The following PAX8 variants were observed in gnomAD, a reference collection of about 807,000 sequenced individuals.
The protein encoded by PAX8 is paired box protein Pax-8.
Under a neutral mutation model 52.4 loss-of-function variants are expected in PAX8, and 15 were observed. The ratio of observed to expected loss-of-function variants is 0.29; its 90% CI spans 0.19 to 0.44. The LOEUF (loss-of-function observed/expected upper bound fraction) is 0.44. PAX8 is among the 20% of genes least tolerant of loss of function. The pLI, the probability that PAX8 is intolerant of heterozygous loss-of-function variation, is 1.00. For missense variants in PAX8, 554 were observed against 602.5 expected (o/e 0.92, Z 0.84); for synonymous variants, 284 against 249.7 (o/e 1.14, Z -1.29).
At chr2:113,256,517 T>C (rs1255414463) in intron 2 of PAX8, among the ~76,000 whole-genome samples, 2 of 152,118 alleles carry the variant, frequency 1.3e-5, no homozygotes, top group African/African-American at 4.8e-5. Flanking sequence ...TCCTTTAAAC[T>C]TCTACTACTT....
chr2:113,256,415 G>A (rs1460955211), intron 2 of PAX8, among the ~76,000 whole-genome samples: 1 of 152,202 alleles, frequency 6.6e-6, no homozygotes, highest in Non-Finnish European at 1.5e-5. Flanking sequence ...GGCTCTGGGA[G>A]AGCTGAGAGC....
Position 113,220,159 on chromosome 2 carries a change from A to T in PAX8, c.1209T>A (p.Asn403Lys). ...AGGAGTAGGGGGTGTGGCCATAGGCATTGCCAGAGTATTCACTTCCTGTTG... is the reference window on the plus strand; with the variant it reads ...AGGAGTAGGGGGTGTGGCCATAGGCTTTGCCAGAGTATTCACTTCCTGTTG... The part of the protein sequence containing the change: ...GMVAGSEYSG[N>K]AYGHTPYSSY... Residue 403 changes from asparagine (N) to lysine (K), a missense_variant, in exon 11 of 12, where the codon AAT (asparagine) becomes AAA (lysine). Transcript: ENST00000429538. The T allele has an allele frequency of 1.9e-6, 3 of 1,613,852 alleles. No homozygotes were observed. The highest frequency in any genetic ancestry group is 1.7e-6 in the Non-Finnish European group (2 of 1,179,876).
chr2:113,218,754 C>T (rs1187920402), intron 11 of PAX8, 145 bp from the exon 12 acceptor site: 1 of 569,302 alleles, frequency 1.8e-6, no homozygotes, highest in Non-Finnish European at 3.1e-6. Flanking sequence ...AAGATTAACT[C>T]CTCTCCAGCC....
At chr2:113,248,032 A>G (rs575114660) in intron 2 of PAX8, among the ~76,000 whole-genome samples, 1 of 152,276 alleles carries the variant, frequency 6.6e-6, no homozygotes, top group East Asian at 1.9e-4. Flanking sequence ...CAAGTGAGGG[A>G]GAGAGGGGAG....
chr2:113,263,804 C>T (rs1692860832), intron 2 of PAX8, among the ~76,000 whole-genome samples: 1 of 151,902 alleles, frequency 6.6e-6, no homozygotes, highest in South Asian at 2.1e-4. Flanking sequence ...AAATGCTGAT[C>T]ATAAAAAAAT....
chr2:113,241,867 A>C (rs773010627), intron 6 of PAX8, 141 bp from the exon 7 acceptor site: 93 of 1,427,674 alleles, frequency 6.5e-5, no homozygotes, highest in Non-Finnish European at 8.6e-5. Flanking sequence ...GCCTTGGCCA[A>C]CTGAGGGACA....
At chr2:113,220,645 G>C (rs188592665) in intron 10 of PAX8, among the ~76,000 whole-genome samples, 2 of 152,220 alleles carry the variant, frequency 1.3e-5, no homozygotes, top group Admixed American at 1.3e-4. Context: ...CAGGGGTATG[G>C]GGTTAGGGGC....
intron 9 of PAX8, among the ~76,000 whole-genome samples, chr2:113,231,452 T>A (rs1689883139): frequency 6.6e-6 from 1 of 152,254 alleles, no homozygotes; most frequent in African/African-American, 2.4e-5. Context: ...TGACTGGGGA[T>A]GAGCTGAGAC....
chr2:113,231,322 C>G (rs900148375), intron 9 of PAX8, among the ~76,000 whole-genome samples: 1 of 152,200 alleles, frequency 6.6e-6, no homozygotes, highest in Admixed American at 6.5e-5. Context: ...AGGACGGCCT[C>G]GACATTGCTG....
At chr2:113,225,467 A>G (rs1689506158) in intron 10 of PAX8, 1 of 152,252 alleles carries the variant, frequency 6.6e-6, no homozygotes, top group Non-Finnish European at 1.5e-5. Flanking sequence ...TGATTCATTT[A>G]AATAGTATTG....
chr2:113,235,385 C>A lies in PAX8; in HGVS notation c.1087+9G>T. 6.4e-7 allele frequency: 1 copy of A among 1,563,972 alleles called. No homozygotes were observed. Among genetic ancestry groups the A allele is most frequent in the Non-Finnish European group, 8.7e-7 (1 of 1,154,350 alleles). ...ATAGCTGCATGGCCCCGGGACCTCC[C>A]TGTCGTACCTGAGAGGAGGGCCTGG... On this transcript the variant is annotated intron_variant, in intron 9 of 11. Coordinates refer to ENST00000429538, the MANE Select transcript of PAX8 (RefSeq NM_003466.4).
At chr2:113,237,244 T>C (rs1414788851) in intron 7 of PAX8, 1 of 153,166 alleles carries the variant, frequency 6.5e-6, no homozygotes, top group Non-Finnish European at 1.5e-5. Context: ...CTGGGTGACA[T>C]AAGGACCACT....
At chr2:113,270,456 G>T (rs1693392450) in intron 2 of PAX8, 1 of 152,202 alleles carries the variant, frequency 6.6e-6, no homozygotes, top group Non-Finnish European at 1.5e-5. Context: ...GGAAGCCCGG[G>T]CTTTGCCTTC....
intron 10 of PAX8, among the ~76,000 whole-genome samples, chr2:113,223,494 C>T (rs961904995): frequency 6.6e-6 from 1 of 152,194 alleles, no homozygotes; most frequent in Non-Finnish European, 1.5e-5. Flanking sequence ...ATCAGAGTAG[C>T]CTTTTAAAAC....
chr2:113,269,303 C>T (rs1309683385), intron 2 of PAX8: 2 of 152,256 alleles, frequency 1.3e-5, no homozygotes, highest in African/African-American at 4.8e-5. Flanking sequence ...GAGGAGCAGA[C>T]TGGAGAAAGC....
chr2:113,238,872 T>C (rs1350728351), intron 7 of PAX8: 1 of 151,494 alleles, frequency 6.6e-6, no homozygotes, highest in Non-Finnish European at 1.5e-5. Flanking sequence ...ACAGATATTA[T>C]TTCAGAATCG....
chr2:113,231,709 A>G (rs1689903124), intron 9 of PAX8, among the ~76,000 whole-genome samples: 1 of 152,056 alleles, frequency 6.6e-6, no homozygotes, highest in Non-Finnish European at 1.5e-5. Context: ...ATGTGGCCTC[A>G]ACTTCCTTCT....
intron 1 of PAX8, 48 bp from the exon 2 acceptor site, chr2:113,278,517 C>T (rs1014999547): frequency 2.8e-6 from 4 of 1,443,480 alleles, no homozygotes; most frequent in Non-Finnish European, 3.8e-6. Flanking sequence ...GATTCGATGC[C>T]TGCATCCTCA....
intron 2 of PAX8, among the ~76,000 whole-genome samples, chr2:113,260,101 A>G (rs553939865): frequency 1.3e-5 from 2 of 152,098 alleles, no homozygotes; most frequent in Non-Finnish European, 2.9e-5. Context: ...GTGAGCACCT[A>G]CTCTGTGTCT....
Sources: allele counts gnomAD v4.1 joint callset (sites outside exome capture counted in the v4.1 genomes callset), GRCh38; gene constraint gnomAD v4.1.1; transcripts MANE v1.5; gene names NCBI Gene and HGNC (gene_info 2026-07-23, HGNC 2026-07-21).